Variants in TEX2 observed in about 807,000 individuals in gnomAD.
TEX2 encodes testis-expressed protein 2.
Under a neutral mutation model 106.9 loss-of-function variants are expected in TEX2, and 53 were observed. The observed-to-expected ratio is 0.50, with a 90% CI of 0.40 to 0.62. TEX2 has a LOEUF of 0.62. Ranked by LOEUF, TEX2 falls within the 20% of genes least tolerant of loss-of-function variation. The pLI, the probability that TEX2 is intolerant of heterozygous loss-of-function variation, is 0.00. For synonymous variants in TEX2, 523 were observed against 534.8 expected (o/e 0.98, Z 0.30); for missense variants, 1,207 against 1,379.0 (o/e 0.88, Z 1.98).
At chr17:64,197,739 A>T (rs1608815) in intron 2 of TEX2, among the ~76,000 whole-genome samples, 116,670 of 151,974 alleles carry the variant, frequency 0.77, 45,248 homozygotes, top group Middle Eastern at 0.85. Context: ...TTTTAAAAAG[A>T]TCTTTGTAGA....
Position 64,193,786 on chromosome 17 carries a change from T to G in TEX2, c.1949A>C (p.Gln650Pro). 6.2e-7 allele frequency: 1 copy of G among 1,612,540 alleles called. No individual in the cohort carries two copies. Among genetic ancestry groups the G allele is most frequent in the South Asian group, 1.1e-5 (1 of 90,824 alleles). ...CTCTTCTGAAGTCTCCTTATCAGTC[T>G]GAGCTTTAGACATAAAGTCATCTTG... ...GQQDDFMSKA[Q>P]TDKETSEEKP... The change falls in exon 4 of 12, where the codon CAG becomes CCG. Residue 650 changes from glutamine to proline, a missense_variant. Gln to Pro is a moderately conservative substitution (Grantham distance 76). Around this residue, in one of 3 missense-constraint regions of TEX2, gnomAD observed 1,067 missense variants for 1,193.6 expected, o/e 0.89. Transcript: ENST00000584379.
intron 1 of TEX2, among the ~76,000 whole-genome samples, chr17:64,234,772 T>C (rs2033731265): frequency 6.6e-6 from 1 of 152,226 alleles, no homozygotes; most frequent in Admixed American, 6.5e-5. Flanking sequence ...ATCTTTATGA[T>C]GGAGTAAATG....
chr17:64,200,680 G>A (rs2032631390), intron 2 of TEX2, among the ~76,000 whole-genome samples: 1 of 152,202 alleles, frequency 6.6e-6, no homozygotes, highest in South Asian at 2.1e-4. Flanking sequence ...TACCTACACA[G>A]TTCAAAAGCA....
At chr17:64,241,309 C>G (rs2033884401) in intron 1 of TEX2, among the ~76,000 whole-genome samples, 1 of 152,202 alleles carries the variant, frequency 6.6e-6, no homozygotes, top group South Asian at 2.1e-4. Context: ...GCCAAGAGGC[C>G]AAGCGGTAAT....
At chr17:64,199,785 T>C (rs1453925843) in intron 2 of TEX2, among the ~76,000 whole-genome samples, 1 of 152,246 alleles carries the variant, frequency 6.6e-6, no homozygotes, top group African/African-American at 2.4e-5. Context: ...AACAGCCACA[T>C]AGGGCTCAGG....
chr17:64,204,297 T>C (rs2143979414), intron 2 of TEX2, among the ~76,000 whole-genome samples: 1 of 152,314 alleles, frequency 6.6e-6, no homozygotes, highest in East Asian at 1.9e-4. Flanking sequence ...ATAATTATCC[T>C]TTTGATAATT....
intron 2 of TEX2, among the ~76,000 whole-genome samples, chr17:64,208,278 G>T (rs2143022305): frequency 6.6e-6 from 1 of 152,094 alleles, no homozygotes; most frequent in East Asian, 1.9e-4. Context: ...ACACTCTATT[G>T]CCCAGGCTGG....
At chr17:64,154,994 T>A (rs1223793639) in intron 8 of TEX2, 27 bp from the exon 9 acceptor site, 22 of 1,534,800 alleles carry the variant, frequency 1.4e-5, no homozygotes, top group Non-Finnish European at 1.9e-5. Flanking sequence ...TCACCACCAC[T>A]GCCTGCCCTC....
intron 1 of TEX2, among the ~76,000 whole-genome samples, chr17:64,220,168 A>G (rs1301698189): frequency 2.6e-5 from 4 of 152,174 alleles, no homozygotes; most frequent in African/African-American, 4.8e-5. Context: ...AAGAACTCTA[A>G]TAACAAACAA....
chr17:64,154,876 C>G lies in TEX2; in HGVS notation c.2896G>C (p.Gly966Arg). Reference protein sequence around the residue: ...SEEDDAPEPSGGDKQLLPGAE... With the variant: ...SEEDDAPEPSRGDKQLLPGAE... ...CCTGGGAGGAGCTGTTTGTCTCCCC[C>G]GCTGGGCTCTGGGGCATCGTCTTCC... The change falls in exon 9 of 12, where the codon GGG (glycine) becomes CGG (arginine). Residue 966 changes from glycine (G) to arginine (R), a missense_variant. Gly to Arg is a moderately radical substitution (Grantham distance 125). Around this residue, in one of 3 missense-constraint regions of TEX2, gnomAD observed 1,067 missense variants for 1,193.6 expected, o/e 0.89. Transcript: ENST00000584379. 1 of 1,608,836 alleles carries G rather than the reference C, an allele frequency of 6.2e-7. No individual in the cohort carries two copies. Among genetic ancestry groups the G allele is most frequent in the Non-Finnish European group, 8.5e-7 (1 of 1,178,116 alleles).
intron 1 of TEX2, among the ~76,000 whole-genome samples, chr17:64,244,275 C>A (rs375335100): frequency 3.3e-5 from 5 of 152,138 alleles, no homozygotes; most frequent in East Asian, 1.9e-4. Flanking sequence ...AACACACAAT[C>A]CTGATGTGGG....
chr17:64,170,612 T>C (rs2031339401), intron 7 of TEX2, among the ~76,000 whole-genome samples: 1 of 132,842 alleles, frequency 7.5e-6, no homozygotes, highest in African/African-American at 2.7e-5. Context: ...AGCTTGGATC[T>C]ATTCCAAATC....
chr17:64,166,782 A>T (rs1178925929), intron 7 of TEX2, among the ~76,000 whole-genome samples: 1 of 152,232 alleles, frequency 6.6e-6, no homozygotes, highest in African/African-American at 2.4e-5. Flanking sequence ...ATGAATGAAC[A>T]AACATTACCC....
At chr17:64,176,036 C>T (rs762787303) in intron 6 of TEX2, among the ~76,000 whole-genome samples, 7 of 152,198 alleles carry the variant, frequency 4.6e-5, no homozygotes, top group Non-Finnish European at 5.9e-5. Flanking sequence ...GTTACTGCTA[C>T]TTGTTGTCTC....
At chr17:64,156,598 T>C (rs1567906752) in intron 8 of TEX2, among the ~76,000 whole-genome samples, 2 of 152,230 alleles carry the variant, frequency 1.3e-5, no homozygotes, top group African/African-American at 4.8e-5. Context: ...TCAATTCCTA[T>C]GAAAGCCTAA....
intron 6 of TEX2, among the ~76,000 whole-genome samples, chr17:64,177,116 G>A (rs1030171146): frequency 6.6e-6 from 1 of 152,174 alleles, no homozygotes; most frequent in South Asian, 2.1e-4. Flanking sequence ...ACAAGAAAAT[G>A]AGTAAACATT....
chr17:64,256,160 C>T (rs899698591), intron 1 of TEX2: 3 of 152,268 alleles, frequency 2.0e-5, no homozygotes, highest in African/African-American at 4.8e-5. Flanking sequence ...TTACGCTACA[C>T]ATGGAATCAT....
chr17:64,226,288 C>T (rs1168939925), intron 1 of TEX2, among the ~76,000 whole-genome samples: 1 of 152,074 alleles, frequency 6.6e-6, no homozygotes, highest in Non-Finnish European at 1.5e-5. Flanking sequence ...GAAGTTGTAC[C>T]ATTCCTTAAA....
At chr17:64,245,851 C>T (rs1178980767) in intron 1 of TEX2, among the ~76,000 whole-genome samples, 3 of 152,198 alleles carry the variant, frequency 2.0e-5, no homozygotes, top group Non-Finnish European at 4.4e-5. Context: ...AAAGCCATTA[C>T]TGCCTCTGTA....
Sources: gnomAD v4.1 joint callset for allele counts (sites outside exome capture counted in the v4.1 genomes callset) on GRCh38, gnomAD v4.1.1 for gene constraint, gnomAD v4.1.1 regional missense constraint, MANE v1.5 for transcripts, NCBI Gene and HGNC (gene_info 2026-07-23, HGNC 2026-07-21) for gene names.